FSTL3: variants seen among roughly 807,000 people sequenced by gnomAD.
FSTL3 encodes the protein follistatin like 3, also known as follistatin-related protein 3.
A neutral mutation model predicts 28.1 loss-of-function variants in FSTL3; 21 were observed. The ratio of observed to expected loss-of-function variants is 0.75; its 90% confidence interval spans 0.53 to 1.08. The LOEUF (loss-of-function observed/expected upper bound fraction) is 1.08. FSTL3 is among the 50% of genes least tolerant of loss of function. The probability of loss-of-function intolerance (pLI) is 0.00; values close to 1 mark genes in which losing one functional copy is unlikely to be tolerated. For missense variants in FSTL3, 400 were observed against 380.9 expected (o/e 1.05, Z -0.42); for synonymous variants, 199 against 164.2 (o/e 1.21, Z -1.62).
rs751201439 is a variant in FSTL3, at chr19:681,463, C to T, written c.636C>T (p.Gly212=). The T allele has an allele frequency of 3.1e-6, 5 of 1,600,988 alleles. No individual in the cohort carries two copies. In the East Asian group the frequency reaches 1.1e-4, roughly 36 times the overall value. ...VPSSPGQELC[G]NNNVTYISSC... Reference sequence around the variant, plus strand: ...CCAGCCCCGGCCAGGAGCTTTGCGGCAACAACAACGTCACCTACATCTCCT... The same window carrying T: ...CCAGCCCCGGCCAGGAGCTTTGCGGTAACAACAACGTCACCTACATCTCCT... Residue 212 remains glycine (G), a synonymous_variant, in exon 4 of 5, where the codon GGC becomes GGT. Coordinates refer to ENST00000166139, the MANE Select transcript of FSTL3 (RefSeq NM_005860.3).
chr19:677,610 G>C (rs2031241218), intron 1 of FSTL3, among the ~76,000 whole-genome samples, 182 bp from the exon 2 acceptor site: 1 of 151,978 alleles, frequency 6.6e-6, no homozygotes, highest in African/African-American at 2.4e-5. Context: ...GAGGGGAGGA[G>C]ACATTTCCAG....
At chr19:678,838 G>T (rs774793142) in intron 2 of FSTL3, among the ~76,000 whole-genome samples, 2 of 152,104 alleles carry the variant, frequency 1.3e-5, no homozygotes, top group Non-Finnish European at 2.9e-5. Flanking sequence ...AAGGAGGTGG[G>T]CATTAGAGCT....
At position 681,368 on chromosome 19, in the gene FSTL3, T is replaced by G. The variant is rs889626012; in HGVS notation, c.541T>G (p.Ser181Ala). 27 of 1,587,160 alleles carry G rather than the reference T, an allele frequency of 1.7e-5. No individual in the cohort carries two copies. The Admixed American group carries it at 3.6e-4, about 21-fold the overall frequency. Residue 181 changes from serine (S) to alanine (A), a missense_variant, in exon 4 of 5, where the codon TCG (serine) becomes GCG (alanine). Coordinates refer to ENST00000166139, the MANE Select transcript of FSTL3 (RefSeq NM_005860.3). ...GCACGTGGTGTGCCCGCGGCCACAG[T>G]CGTGCGTCGTGGACCAGACGGGCAG... is the stretch of plus-strand genomic sequence containing the variant. Reference protein sequence around the residue: ...CEHVVCPRPQSCVVDQTGSAH... With the variant: ...CEHVVCPRPQACVVDQTGSAH...
At chr19:679,855 C>T (rs756969859) in intron 2 of FSTL3, among the ~76,000 whole-genome samples, 3 of 152,178 alleles carry the variant, frequency 2.0e-5, no homozygotes, top group African/African-American at 7.2e-5. Flanking sequence ...TCGCGCCTGG[C>T]AAGGGCGGAA....
intron 2 of FSTL3, among the ~76,000 whole-genome samples, chr19:678,465 G>A (rs1257073867): frequency 6.8e-6 from 1 of 147,104 alleles, no homozygotes; most frequent in Admixed American, 6.8e-5. Flanking sequence ...GGCACAGAAC[G>A]AATGAATAAG....
chr19:682,028 C>T lies in FSTL3; in HGVS notation c.*320C>T, dbSNP rs2031347416. ...CACTTCCGCTCCTTTGGGGATAAAC[C>T]TATTAATTATTGCTACTATCAAGAG... On this transcript the variant is annotated 3_prime_UTR_variant, in exon 5 of 5. Transcript: ENST00000166139. 2 of 487,106 alleles carry T rather than the reference C, an allele frequency of 4.1e-6. No individual in the cohort carries two copies. The highest frequency in any genetic ancestry group is 3.3e-5 in the Admixed American group (1 of 29,936). 30.2% of individuals were successfully genotyped at this position (487,106 alleles called of 1,614,324 possible).
chr19:681,743 C>T lies in FSTL3; in HGVS notation c.*35C>T, dbSNP rs1241339146. On this transcript the variant is annotated 3_prime_UTR_variant, in exon 5 of 5. Transcript: ENST00000166139. ...ACAGGCCTGGGCCTGGTGCCCGAGG[C>T]CCCCCATCATCCCCTGTTATTTATT... The T allele has an allele frequency of 2.0e-6, 3 of 1,510,574 alleles. No homozygotes were observed. Among genetic ancestry groups the T allele is most frequent in the Non-Finnish European group, 2.7e-6 (3 of 1,112,378 alleles). The allele number at this position is 1,510,574 out of a possible 1,614,324, so 93.6% of individuals were successfully genotyped here.
intron 1 of FSTL3, among the ~76,000 whole-genome samples, 188 bp from the exon 2 acceptor site, chr19:677,604 G>A (rs915897276): frequency 9.2e-5 from 14 of 152,136 alleles, no homozygotes; most frequent in African/African-American, 3.1e-4. Context: ...AGCTCAGAGG[G>A]GAGGAGACAT....
rs371259653 is a variant in FSTL3, at chr19:681,756, C to T, written c.*48C>T. ...TGGTGCCCGAGGCCCCCCATCATCC[C>T]CTGTTATTTATTGCCACAGCAGAGT... On this transcript the variant is annotated 3_prime_UTR_variant, in exon 5 of 5. Transcript: ENST00000166139. 235 of 1,469,212 alleles carry T rather than the reference C, an allele frequency of 1.6e-4. No individual in the cohort carries two copies. In the East Asian group the frequency reaches 2.0e-3, roughly 12 times the overall value. The allele number at this position is 1,469,212 out of a possible 1,614,324, so 91.0% of individuals were successfully genotyped here.
intron 1 of FSTL3, among the ~76,000 whole-genome samples, chr19:677,346 C>T (rs1475295455): frequency 3.3e-5 from 5 of 151,636 alleles, no homozygotes; most frequent in African/African-American, 7.3e-5. Context: ...GCGGGCCAGG[C>T]GGTGGGGGGG....
chr19:680,420 T>G lies in FSTL3; in HGVS notation c.436T>G (p.Cys146Gly). Residue 146 changes from cysteine (C) to glycine (G), a missense_variant, in exon 3 of 5, where the codon TGC becomes GGC. Cys to Gly is a radical substitution (Grantham distance 159). Coordinates refer to ENST00000166139, the MANE Select transcript of FSTL3 (RefSeq NM_005860.3). Reference protein sequence around the residue: ...GSDGATYRDECELRAARCRGH... With the variant: ...GSDGATYRDEGELRAARCRGH... Reference sequence around the variant, plus strand: ...AGACGGCGCCACCTACCGCGACGAGTGCGAGCTGCGCGCCGCGCGCTGCCG... The same window carrying G: ...AGACGGCGCCACCTACCGCGACGAGGGCGAGCTGCGCGCCGCGCGCTGCCG... The G allele has an allele frequency of 7.9e-7, 1 of 1,268,746 alleles. No individual in the cohort carries two copies. The highest frequency in any genetic ancestry group is 9.9e-7 in the Non-Finnish European group (1 of 1,009,572). 78.6% of individuals were successfully genotyped at this position (1,268,746 alleles called of 1,614,324 possible).
At position 680,383 on chromosome 19, in the gene FSTL3, G is replaced by T; in HGVS notation, c.399G>T (p.Gln133His). The T allele has an allele frequency of 7.8e-7, 1 of 1,279,982 alleles. No individual in the cohort carries two copies. The allele number at this position is 1,279,982 out of a possible 1,614,324, so 79.3% of individuals were successfully genotyped here. Residue 133 changes from glutamine to histidine, a missense_variant, in exon 3 of 5, where the codon CAG (glutamine) becomes CAT (histidine). Transcript: ENST00000166139. Reference protein sequence around the residue: ...PDCSGLPARLQVCGSDGATYR... With the variant: ...PDCSGLPARLHVCGSDGATYR... ...GCTCGGGGCTCCCGGCGCGGCTGCAGGTCTGCGGCTCAGACGGCGCCACCT... is the reference window on the plus strand; with the variant it reads ...GCTCGGGGCTCCCGGCGCGGCTGCATGTCTGCGGCTCAGACGGCGCCACCT...
rs1317700695 is a variant in FSTL3 at position 677,918 on chromosome 19, C to T, written c.230C>T (p.Pro77Leu). The T allele has an allele frequency of 3.7e-6, 6 of 1,613,512 alleles. No homozygotes were observed. Among genetic ancestry groups the T allele is most frequent in the African/African-American group, 2.7e-5 (2 of 74,928 alleles). Reference sequence around the variant, plus strand: ...ACCGCCTGGTCCAACCTCACCCACCCGGGGAACAAGATCAACCTCCTCGGC... The same window carrying T: ...ACCGCCTGGTCCAACCTCACCCACCTGGGGAACAAGATCAACCTCCTCGGC... ...IDTAWSNLTH[P>L]GNKINLLGFL... The change falls in exon 2 of 5, where the codon CCG becomes CTG. Residue 77 changes from proline (P) to leucine (L), a missense_variant. By Grantham distance (98) the Pro-to-Leu change is moderately conservative. Transcript: ENST00000166139.
In FSTL3 at chr19:681,665, C is replaced by A; in HGVS notation, c.749C>A (p.Pro250Gln). The A allele has an allele frequency of 6.4e-7, 1 of 1,574,256 alleles. No homozygotes were observed. Among genetic ancestry groups the A allele is most frequent in the East Asian group, 2.3e-5 (1 of 42,734 alleles). The change falls in exon 5 of 5, where the codon CCG (proline) becomes CAG (glutamine). Residue 250 changes from proline (P) to glutamine (Q), a missense_variant. Coordinates refer to ENST00000166139, the MANE Select transcript of FSTL3 (RefSeq NM_005860.3). ...AGSCAGTPEE[P>Q]PGGESAEEEE... ...ACCCTTGCAGGCACCCCTGAGGAGC[C>A]GCCAGGTGGTGAGTCTGCAGAAGAG...
In FSTL3 at chr19:680,309, G is replaced by A. The variant is rs770450991; in HGVS notation, c.325G>A (p.Ala109Thr). ...CDGVECGPGK[A>T]CRMLGGRPRC... ...CGGCGTGGAGTGCGGCCCGGGCAAG[G>A]CGTGCCGCATGCTGGGGGGCCGCCC... Residue 109 changes from alanine (A) to threonine (T), a missense_variant, in exon 3 of 5, where the codon GCG becomes ACG. Transcript: ENST00000166139. 3.6e-5 allele frequency: 47 copies of A among 1,294,026 alleles called. No individual in the cohort carries two copies. In the East Asian group the frequency reaches 8.5e-4, roughly 23 times the overall value. 80.2% of individuals were successfully genotyped at this position (1,294,026 alleles called of 1,614,324 possible).
intron 2 of FSTL3, among the ~76,000 whole-genome samples, chr19:679,334 G>T (rs2031276431): frequency 6.6e-6 from 1 of 152,210 alleles, no homozygotes; most frequent in Non-Finnish European, 1.5e-5. Flanking sequence ...GGGCTGCGTG[G>T]CGGGCGCTGG....
Position 683,360 on chromosome 19 carries a change from G to A in FSTL3, c.*1652G>A, listed in dbSNP as rs1229386733. 5.7e-5 allele frequency: 11 copies of A among 192,870 alleles called. No homozygotes were observed. In the South Asian group the frequency reaches 1.2e-3, roughly 21 times the overall value. 11.9% of individuals were successfully genotyped at this position (192,870 alleles called of 1,614,324 possible). Reference sequence around the variant, plus strand: ...GCAGCCCACCCCACCCTGGGGCCCTGCCTCACCAAGGAAATAAAGACTCAA... The same window carrying A: ...GCAGCCCACCCCACCCTGGGGCCCTACCTCACCAAGGAAATAAAGACTCAA... On this transcript the variant is annotated 3_prime_UTR_variant, in exon 5 of 5. Transcript: ENST00000166139.
At chr19:677,751 C>G in intron 1 of FSTL3, 41 bp from the exon 2 acceptor site, 1 of 1,554,562 alleles carries the variant, frequency 6.4e-7, no homozygotes, top group South Asian at 1.2e-5. Flanking sequence ...AGCTGGGTGT[C>G]AGGAGTGGCC....
intron 3 of FSTL3, 56 bp from the exon 4 acceptor site, chr19:681,277 C>T: frequency 1.5e-6 from 2 of 1,303,180 alleles, no homozygotes; most frequent in South Asian, 1.4e-5. Context: ...GGCCAAGAGC[C>T]CTGCGGGGTT....
Sources: gnomAD v4.1 joint callset for allele counts (sites outside exome capture counted in the v4.1 genomes callset) on GRCh38, gnomAD v4.1.1 for gene constraint, MANE v1.5 for transcripts, NCBI Gene and HGNC (gene_info 2026-07-23, HGNC 2026-07-21) for gene names.